The following EMCN variants were observed in gnomAD, a reference collection of about 807,000 sequenced individuals.
The protein encoded by EMCN is endomucin.
Under a neutral mutation model 38.4 loss-of-function variants are expected in EMCN, and 37 were observed. That is an observed-to-expected ratio of 0.96 (90% CI 0.74 to 1.27). The LOEUF is 1.27. Ranked by LOEUF, EMCN falls within the 50% of genes most tolerant of loss-of-function variation. EMCN has a pLI of 0.00. For missense variants in EMCN, 318 were observed against 302.8 expected, an observed-to-expected ratio of 1.05 and a Z score of -0.37; for synonymous variants, 95 against 100.8, an observed-to-expected ratio of 0.94 and a Z score of 0.35.
chr4:100,498,233 A>G (rs1019156663), intron 1 of EMCN, among the ~76,000 whole-genome samples: 1 of 152,190 alleles, frequency 6.6e-6, no homozygotes, highest in African/African-American at 2.4e-5. Flanking sequence ...ACACATCTAT[A>G]TCATTTGCCT....
At chr4:100,414,659 T>C (rs772817982) in intron 10 of EMCN, among the ~76,000 whole-genome samples, 10 of 152,162 alleles carry the variant, frequency 6.6e-5, no homozygotes, top group Admixed American at 1.3e-4. Flanking sequence ...GTTCCTGCTC[T>C]TCAACTCTTC....
intron 11 of EMCN, among the ~76,000 whole-genome samples, chr4:100,406,513 A>C (rs1330863301): frequency 1.3e-5 from 2 of 152,090 alleles, no homozygotes; most frequent in African/African-American, 2.4e-5. Flanking sequence ...TCAGGAGCAG[A>C]TTATTTAATA....
At chr4:100,473,019 A>AT (rs1402492849) in intron 3 of EMCN, among the ~76,000 whole-genome samples, 3,741 of 61,672 alleles carry the variant, frequency 0.061, 56 homozygotes, top group South Asian at 0.12. Context: ...TTATATATAT[A>AT]TATTTTTTTT....
At chr4:100,424,455 G>A (rs369247287) in intron 5 of EMCN, among the ~76,000 whole-genome samples, 2 of 152,038 alleles carry the variant, frequency 1.3e-5, no homozygotes, top group Non-Finnish European at 2.9e-5. Flanking sequence ...CTCCTTGGGC[G>A]TATTGAGGCC....
chr4:100,467,829 C>A (rs1016410260), intron 3 of EMCN, among the ~76,000 whole-genome samples: 3 of 152,020 alleles, frequency 2.0e-5, no homozygotes, highest in African/African-American at 7.2e-5. Flanking sequence ...AAAAGTAAAT[C>A]AATCTTAAAG....
At chr4:100,505,083 C>T (rs1327064223) in intron 1 of EMCN, among the ~76,000 whole-genome samples, 2 of 152,212 alleles carry the variant, frequency 1.3e-5, no homozygotes, top group Non-Finnish European at 2.9e-5. Flanking sequence ...GGAAGGGCCC[C>T]CTGTCCAGTG....
chr4:100,426,844 A>T (rs1256131588), intron 5 of EMCN, among the ~76,000 whole-genome samples: 1 of 152,104 alleles, frequency 6.6e-6, no homozygotes, highest in East Asian at 1.9e-4. Context: ...CTTCAGAGTC[A>T]CTGTATGACT....
chr4:100,479,288 G>A lies in EMCN; in HGVS notation c.187+629C>T, dbSNP rs532658367. Reference sequence around the variant, plus strand: ...ACAAATCTGTTTTCCATTGATTACAGGACCTGTGTGATATGCCTTATTTTT... The same window carrying A: ...ACAAATCTGTTTTCCATTGATTACAAGACCTGTGTGATATGCCTTATTTTT... On this transcript the variant is annotated intron_variant, in intron 2 of 11. Coordinates refer to ENST00000296420, the MANE Select transcript of EMCN (RefSeq NM_016242.4). 5.3e-5 allele frequency among the ~76,000 whole-genome samples: 8 copies of A among 151,794 alleles called. No homozygotes were observed. The East Asian group carries it at 1.6e-3, about 30-fold the overall frequency.
intron 1 of EMCN, among the ~76,000 whole-genome samples, chr4:100,490,277 C>G (rs1476485226): frequency 1.3e-5 from 2 of 150,762 alleles, no homozygotes; most frequent in Non-Finnish European, 2.9e-5. Flanking sequence ...GTGTTTTAAG[C>G]TAAGTGTTAT....
intron 4 of EMCN, among the ~76,000 whole-genome samples, chr4:100,459,811 C>T (rs146232645): frequency 1.3e-5 from 2 of 152,228 alleles, no homozygotes; most frequent in African/African-American, 4.8e-5. Context: ...ACCACATTTT[C>T]TTTACCTCTT....
chr4:100,419,206 A>C (rs1447030635), intron 8 of EMCN, among the ~76,000 whole-genome samples: 1 of 152,128 alleles, frequency 6.6e-6, no homozygotes, highest in African/African-American at 2.4e-5. Flanking sequence ...AACCTTGTCC[A>C]GATAAGCTTC....
chr4:100,413,697 A>G (rs1161749817), intron 10 of EMCN, among the ~76,000 whole-genome samples: 1 of 152,134 alleles, frequency 6.6e-6, no homozygotes, highest in East Asian at 1.9e-4. Context: ...ATCACCAAAT[A>G]TTTTCCATGG....
intron 9 of EMCN, 93 bp downstream of exon 9, chr4:100,417,024 T>C (rs998272428): frequency 2.3e-6 from 3 of 1,304,394 alleles, no homozygotes; most frequent in Non-Finnish European, 3.3e-6. Flanking sequence ...TTCTACACTT[T>C]AGAAATAATC....
At chr4:100,460,676 G>A (rs1426752999) in intron 4 of EMCN, among the ~76,000 whole-genome samples, 2 of 152,116 alleles carry the variant, frequency 1.3e-5, no homozygotes, top group Non-Finnish European at 2.9e-5. Context: ...CATGACACGT[G>A]GAAATTATGG....
chr4:100,422,102 C>T (rs1379351141), intron 7 of EMCN, among the ~76,000 whole-genome samples: 2 of 151,956 alleles, frequency 1.3e-5, no homozygotes, highest in Non-Finnish European at 2.9e-5. Flanking sequence ...GTCATAGACA[C>T]ACAACTAAAG....
At chr4:100,509,820 C>G (rs1729580487) in intron 1 of EMCN, among the ~76,000 whole-genome samples, 1 of 152,094 alleles carries the variant, frequency 6.6e-6, no homozygotes, top group Non-Finnish European at 1.5e-5. Context: ...AAAGGCCCAA[C>G]TAGTAAGGGA....
intron 8 of EMCN, among the ~76,000 whole-genome samples, chr4:100,417,880 CT>C (rs1268656107): frequency 1.3e-5 from 2 of 152,176 alleles, no homozygotes; most frequent in African/African-American, 4.8e-5. Context: ...TAAGGTTCCC[CT>C]TGTTGTGCTC....
chr4:100,476,093 A>G (rs1027637033), intron 2 of EMCN, among the ~76,000 whole-genome samples: 1 of 151,998 alleles, frequency 6.6e-6, no homozygotes, highest in Non-Finnish European at 1.5e-5. Flanking sequence ...CCAAGGGGCA[A>G]ATCTGCCCTA....
At chr4:100,489,988 T>C (rs1729035963) in intron 1 of EMCN, among the ~76,000 whole-genome samples, 1 of 152,114 alleles carries the variant, frequency 6.6e-6, no homozygotes, top group African/African-American at 2.4e-5. Context: ...GAGAGTTCCT[T>C]CATTAGGTAT....
Sources: gnomAD v4.1 joint callset for allele counts (sites outside exome capture counted in the v4.1 genomes callset) on GRCh38, gnomAD v4.1.1 for gene constraint, MANE v1.5 for transcripts, NCBI Gene and HGNC (gene_info 2026-07-23, HGNC 2026-07-21) for gene names.